Variants in PSG4 observed in about 807,000 individuals in gnomAD.
PSG4 encodes the protein pregnancy specific beta-1-glycoprotein 4.
PSG4 carries 61 observed loss-of-function variants against 44.3 expected under a neutral mutation model. The ratio of observed to expected loss-of-function variants is 1.38; its 90% confidence interval spans 1.12 to 1.70. PSG4 has a LOEUF of 1.70. Ranked by LOEUF, PSG4 falls within the 40% of genes most tolerant of loss-of-function variation. The pLI, the probability that PSG4 is intolerant of heterozygous loss-of-function variation, is 0.00. For synonymous variants in PSG4, 248 were observed against 191.3 expected (o/e 1.30, Z -2.45); for missense variants, 677 against 511.7 (o/e 1.32, Z -3.12).
chr19:43,197,992 C>G lies in PSG4; in HGVS notation c.709+5G>C. On this transcript the variant is annotated splice_donor_5th_base_variant and intron_variant, in intron 3 of 5. Coordinates refer to ENST00000405312, the MANE Select transcript of PSG4 (RefSeq NM_002780.5). ...CTGGCTCACAGAGGAACAGAGGATA[C>G]TCACGGAGGAGATTCAGGGTGACTG... 6.3e-7 allele frequency: 1 copy of G among 1,587,822 alleles called. No homozygotes were observed. Among genetic ancestry groups the G allele is most frequent in the Non-Finnish European group, 8.5e-7 (1 of 1,171,954 alleles).
intron 1 of PSG4, among the ~76,000 whole-genome samples, chr19:43,205,217 C>T (rs866845099): frequency 3.0e-5 from 4 of 134,716 alleles, no homozygotes; most frequent in African/African-American, 1.2e-4. Context: ...ACGTGATTCT[C>T]CTGCCACAGC....
Position 43,204,017 on chromosome 19 carries a change from C to G in PSG4, c.299G>C (p.Arg100Thr), listed in dbSNP as rs145457587. 4.3e-4 allele frequency: 689 copies of G among 1,587,750 alleles called. 68 individuals carry two copies. Among genetic ancestry groups the G allele is most frequent in the East Asian group, 2.7e-4 (10 of 37,584 alleles). Residue 100 changes from arginine (R) to threonine (T), a missense_variant, in exon 2 of 6, where the codon AGA (arginine) becomes ACA (threonine). Coordinates refer to ENST00000405312, the MANE Select transcript of PSG4 (RefSeq NM_002780.5). ...CAGCAGGGATGCATTGGAATATACTCTTTCTCTTCCACTGTATGCAGGCCC... is the reference window on the plus strand; with the variant it reads ...CAGCAGGGATGCATTGGAATATACTGTTTCTCTTCCACTGTATGCAGGCCC... ...IYGPAYSGRERVYSNASLLIQ... is the reference protein window; with the variant it reads ...IYGPAYSGRETVYSNASLLIQ...
chr19:43,201,299 C>A (rs144413080), intron 2 of PSG4, among the ~76,000 whole-genome samples: 1 of 145,446 alleles, frequency 6.9e-6, no homozygotes, highest in African/African-American at 2.6e-5. Context: ...CAGGGACGGC[C>A]TTTGTCAAAC....
At chr19:43,193,467 C>A in intron 5 of PSG4, 79 bp from the exon 6 acceptor site, 1 of 761,924 alleles carries the variant, frequency 1.3e-6, no homozygotes, top group South Asian at 1.3e-5. Context: ...TTTTTATTTT[C>A]CACATAATTT....
Position 43,204,075 on chromosome 19 carries a change from A to G in PSG4, c.241T>C (p.Ser81Pro), listed in dbSNP as rs145609612. 4 of 1,585,988 alleles carry G rather than the reference A, an allele frequency of 2.5e-6. No homozygotes were observed. The highest frequency in any genetic ancestry group is 3.4e-6 in the Non-Finnish European group (4 of 1,170,522). The change falls in exon 2 of 6, where the codon TCA becomes CCA. Residue 81 changes from serine to proline, a missense_variant. Physicochemically the swap from Ser to Pro is moderately conservative, Grantham distance 74 (BLOSUM62 -1). Transcript: ENST00000405312. ...ATTCTTTGACCGTCTACTACATATGATGTAATGTAATGGTAGAGGTATGTC... is the reference window on the plus strand; with the variant it reads ...ATTCTTTGACCGTCTACTACATATGGTGTAATGTAATGGTAGAGGTATGTC... ...QMTYLYHYIT[S>P]YVVDGQRIIY...
At chr19:43,194,709 C>G in intron 4 of PSG4, 115 bp from the exon 5 acceptor site, 2 of 1,483,294 alleles carry the variant, frequency 1.3e-6, no homozygotes, top group Non-Finnish European at 1.8e-6. Context: ...AAGTCCCAGC[C>G]AAACTCCCTC....
intron 2 of PSG4, 106 bp from the exon 3 acceptor site, chr19:43,198,381 C>A: frequency 6.8e-7 from 1 of 1,468,766 alleles, no homozygotes; most frequent in South Asian, 1.3e-5. Context: ...CCACCCAAGT[C>A]CTTAAAAGCC....
At position 43,205,421 on chromosome 19, in the gene PSG4, C is replaced by A. The variant is rs542130752; in HGVS notation, c.64+52G>T. On this transcript the variant is annotated intron_variant, in intron 1 of 5. Transcript: ENST00000405312. ...CCCCATCCTCTCCAGGAGACCCCAT[C>A]CAGTCACTCTGCTTCCTCCTCCTGT... The A allele has an allele frequency of 4.0e-6, 6 of 1,486,154 alleles. 1 individual carries two copies. The African/African-American group carries it at 4.5e-5, about 11-fold the overall frequency. 92.1% of individuals were successfully genotyped at this position (1,486,154 alleles called of 1,614,324 possible).
In PSG4 at chr19:43,204,226, C is replaced by A; in HGVS notation, c.90G>T (p.Pro30=). Residue 30 remains proline (P), a synonymous_variant, in exon 2 of 6, where the codon CCG becomes CCT. Coordinates refer to ENST00000405312, the MANE Select transcript of PSG4 (RefSeq NM_002780.5). ...CAATCGTGACTTGGGCAGTTGTGGGCGGATTCCAGAAGTTTAAAAGTGATG... is the reference window on the plus strand; with the variant it reads ...CAATCGTGACTTGGGCAGTTGTGGGAGGATTCCAGAAGTTTAAAAGTGATG... ...LTASLLNFWN[P]PTTAQVTIEA... is the part of the protein sequence containing the mutation. 1.3e-6 allele frequency: 2 copies of A among 1,578,870 alleles called. No individual in the cohort carries two copies. Among genetic ancestry groups the A allele is most frequent in the African/African-American group, 1.5e-5 (1 of 68,740 alleles).
In PSG4 at chr19:43,198,792, AAC is replaced by A. The variant is rs1250831107; in HGVS notation, c.431-519_431-518del. On this transcript the variant is annotated intron_variant, in intron 2 of 5. Transcript: ENST00000405312. ...TGGGACTGGGTACTTCAGCATAAAT[AAC>A]ACAGGGGAGACCAGAGTCAAGCCTG... 6 of 153,758 alleles carry A rather than the reference AAC, an allele frequency of 3.9e-5. 1 individual carries two copies. The highest frequency in any genetic ancestry group is 1.6e-4 in the African/African-American group (6 of 38,312). 9.5% of individuals were successfully genotyped at this position (153,758 alleles called of 1,614,324 possible). A position where few individuals can be genotyped will look rare whatever the true frequency, so the allele number is the denominator to read the frequency against.
In PSG4 at chr19:43,192,945, A is replaced by C. The variant is rs1324333576; in HGVS notation, c.*427T>G. 2 of 438,302 alleles carry C rather than the reference A, an allele frequency of 4.6e-6. No individual in the cohort carries two copies. The highest frequency in any genetic ancestry group is 8.2e-6 in the Non-Finnish European group (2 of 243,470). The allele number at this position is 438,302 out of a possible 1,614,324, so 27.2% of individuals were successfully genotyped here. A position where few individuals can be genotyped will look rare whatever the true frequency, so the allele number is the denominator to read the frequency against. On this transcript the variant is annotated 3_prime_UTR_variant, in exon 6 of 6. Coordinates refer to ENST00000405312, the MANE Select transcript of PSG4 (RefSeq NM_002780.5). Reference sequence around the variant, plus strand: ...GATGGAGAGAGCCACATTTCCCCTGAGATGTTACGTAAAAGTTTGAGGTTG... The same window carrying C: ...GATGGAGAGAGCCACATTTCCCCTGCGATGTTACGTAAAAGTTTGAGGTTG...
At chr19:43,204,478 C>A in intron 1 of PSG4, 1 of 654,960 alleles carries the variant, frequency 1.5e-6, no homozygotes, top group Non-Finnish European at 2.3e-6. Flanking sequence ...CTGACCTTGG[C>A]ATTTTTCTTT....
In PSG4 at chr19:43,201,702, C is replaced by G. The variant is rs182147478; in HGVS notation, c.430+2184G>C. 7.5e-5 allele frequency among the ~76,000 whole-genome samples: 11 copies of G among 145,736 alleles called. 4 individuals are homozygous for G. The East Asian group carries it at 1.4e-3, about 19-fold the overall frequency. On this transcript the variant is annotated intron_variant, in intron 2 of 5. Transcript: ENST00000405312. ...ACCCTGAAACTGTCCTTGAAAATCTCTAACCCCTGCTCCACTGGGGAGGCT... is the reference window on the plus strand; with the variant it reads ...ACCCTGAAACTGTCCTTGAAAATCTGTAACCCCTGCTCCACTGGGGAGGCT...
Position 43,195,094 on chromosome 19 carries a change from G to C in PSG4, c.889C>G (p.Leu297Val), listed in dbSNP as rs770208266. The change falls in exon 4 of 6, where the codon CTA becomes GTA. Residue 297 changes from leucine (L) to valine (V), a missense_variant. Transcript: ENST00000405312. ...KRPIENRILI[L>V]PNVTRNETGP... is the part of the protein sequence containing the mutation. ...GTTTCATTTCTCGTGACATTGGGTA[G>C]AATGAGGATCCTGTTTTCAATGGGT... 2 of 1,610,904 alleles carry C rather than the reference G, an allele frequency of 1.2e-6. No homozygotes were observed. Among genetic ancestry groups the C allele is most frequent in the Non-Finnish European group, 1.7e-6 (2 of 1,179,058 alleles).
Position 43,195,055 on chromosome 19 carries a change from A to C in PSG4, c.928T>G (p.Cys310Gly). Residue 310 changes from cysteine to glycine, a missense_variant, in exon 4 of 6, where the codon TGT becomes GGT. Transcript: ENST00000405312. ...CCACCATATCGGTCCCGTATTTCACATTGATAAGGTCCTGTTTCATTTCTC... is the reference window on the plus strand; with the variant it reads ...CCACCATATCGGTCCCGTATTTCACCTTGATAAGGTCCTGTTTCATTTCTC... ...VTRNETGPYQ[C>G]EIRDRYGGIR... 2 of 1,611,810 alleles carry C rather than the reference A, an allele frequency of 1.2e-6. No individual in the cohort carries two copies. Among genetic ancestry groups the C allele is most frequent in the South Asian group, 2.2e-5 (2 of 91,010 alleles).
chr19:43,193,046 C>T lies in PSG4; in HGVS notation c.*326G>A. 4 of 584,722 alleles carry T rather than the reference C, an allele frequency of 6.8e-6. No individual in the cohort carries two copies. The highest frequency in any genetic ancestry group is 1.2e-5 in the Non-Finnish European group (4 of 328,514). The allele number at this position is 584,722 out of a possible 1,614,324, so 36.2% of individuals were successfully genotyped here. On this transcript the variant is annotated 3_prime_UTR_variant, in exon 6 of 6. Coordinates refer to ENST00000405312, the MANE Select transcript of PSG4 (RefSeq NM_002780.5). ...AAATTCTAATGACTGCATTATCCTG[C>T]CAAGTGAAAGAGGCAGGCATGAGCA...
rs773508951 is a variant in PSG4 at position 43,199,604 on chromosome 19, T to TG, written c.431-1330dup. On this transcript the variant is annotated intron_variant, in intron 2 of 5. Transcript: ENST00000405312. ...ATCAGTGGTCAGAAGGGTTGAGTTT[T>TG]GAGCATTTCAGATTGTGGATTTCTG... is the stretch of plus-strand genomic sequence containing the variant. 5.5e-5 allele frequency among the ~76,000 whole-genome samples: 8 copies of TG among 145,614 alleles called. 1 individual carries two copies. The highest frequency in any genetic ancestry group is 2.7e-4 in the Admixed American group (4 of 14,638).
intron 5 of PSG4, 120 bp downstream of exon 5, chr19:43,194,220 G>T (rs1236282608): frequency 1.8e-5 from 29 of 1,585,238 alleles, no homozygotes; most frequent in East Asian, 2.2e-5. Flanking sequence ...AGTAGAATTT[G>T]GGATTTGCTT....
At chr19:43,198,914 A>T (rs1054843385) in intron 2 of PSG4, 1 of 148,880 alleles carries the variant, frequency 6.7e-6, no homozygotes, top group African/African-American at 2.6e-5. Context: ...ACCTCTAAAG[A>T]TAGAGCAGAG....
Sources: allele counts gnomAD v4.1 joint callset (sites outside exome capture counted in the v4.1 genomes callset), GRCh38; gene constraint gnomAD v4.1.1; transcripts MANE v1.5; gene names NCBI Gene and HGNC (gene_info 2026-07-23, HGNC 2026-07-21).